PTAR1: variants seen among roughly 807,000 people sequenced by gnomAD.
PTAR1 encodes protein prenyltransferase alpha subunit repeat-containing protein 1.
Under a neutral mutation model 45.5 loss-of-function variants are expected in PTAR1, and 17 were observed. That is an observed-to-expected ratio of 0.37 (90% CI 0.26 to 0.56). PTAR1 has a LOEUF of 0.56. PTAR1 is among the 20% of genes least tolerant of loss of function. The pLI is 0.77. For missense variants in PTAR1, 391 were observed against 476.3 expected (o/e 0.82, Z 1.67); for synonymous variants, 169 against 171.3 (o/e 0.99, Z 0.11).
chr9:69,734,605 C>G (rs1216021099), intron 3 of PTAR1, among the ~76,000 whole-genome samples: 2 of 152,032 alleles, frequency 1.3e-5, no homozygotes, highest in Non-Finnish European at 2.9e-5. Flanking sequence ...GACCTGATAT[C>G]GTACCTATAG....
chr9:69,740,164 C>T (rs9314716), intron 3 of PTAR1, among the ~76,000 whole-genome samples: 21,887 of 152,032 alleles, frequency 0.14, 1,694 homozygotes, highest in East Asian at 0.27. Context: ...ATAGGATATA[C>T]AATGAATAAC....
intron 1 of PTAR1, among the ~76,000 whole-genome samples, chr9:69,753,616 A>G (rs1481898235): frequency 1.3e-5 from 2 of 152,188 alleles, no homozygotes; most frequent in Non-Finnish European, 2.9e-5. Flanking sequence ...CAGTAAGGCA[A>G]ATGGGATAGA....
chr9:69,726,868 C>T (rs1023951895), intron 5 of PTAR1, among the ~76,000 whole-genome samples: 1 of 150,178 alleles, frequency 6.7e-6, no homozygotes, highest in Non-Finnish European at 1.5e-5. Flanking sequence ...CTCTATTTGT[C>T]ATATGTGTTA....
chr9:69,723,493 T>C lies in PTAR1; in HGVS notation c.780A>G (p.Gln260=). ...GGGCTGGCTCACTTCTCAAAGGATT[T>C]TGCTCCATCACAGAACTGTCTATCA... The part of the protein sequence containing the change: ...QTVIDSSVME[Q]NPLRSEPALV... Residue 260 remains glutamine, a synonymous_variant, in exon 6 of 8, where the codon CAA becomes CAG. Transcript: ENST00000340434. 6.2e-7 allele frequency: 1 copy of C among 1,613,898 alleles called. No individual in the cohort carries two copies. Among genetic ancestry groups the C allele is most frequent in the Non-Finnish European group, 8.5e-7 (1 of 1,179,846 alleles).
rs2134056650 is a variant in PTAR1, at chr9:69,711,690, A to T, written c.*6652T>A. ...GCTGCTTATTAAGACATTTAATTAC[A>T]TTTATTAATATGCCTTGCACAAGAA... is the stretch of plus-strand genomic sequence containing the variant. On this transcript the variant is annotated 3_prime_UTR_variant, in exon 8 of 8. Transcript: ENST00000340434. The T allele has an allele frequency of 6.6e-6, 1 of 152,294 alleles. No individual in the cohort carries two copies. The highest frequency in any genetic ancestry group is 1.5e-5 in the Non-Finnish European group (1 of 68,020). 9.4% of individuals were successfully genotyped at this position (152,294 alleles called of 1,614,324 possible). A position where few individuals can be genotyped will look rare whatever the true frequency, so the allele number is the denominator to read the frequency against.
At position 69,717,762 on chromosome 9, in the gene PTAR1, A is replaced by C. The variant is rs1234245740; in HGVS notation, c.*580T>G. The C allele has an allele frequency of 1.3e-5, 2 of 152,244 alleles. No homozygotes were observed. Among genetic ancestry groups the C allele is most frequent in the Non-Finnish European group, 2.9e-5 (2 of 68,068 alleles). The allele number at this position is 152,244 out of a possible 1,614,324, so 9.4% of individuals were successfully genotyped here. On this transcript the variant is annotated 3_prime_UTR_variant, in exon 8 of 8. Transcript: ENST00000340434. ...GGTCTCAACTCTATTGCCCAGGCTG[A>C]GTACAGTGGTGCAATCATGGCTCAC...
intron 1 of PTAR1, among the ~76,000 whole-genome samples, chr9:69,752,196 T>C (rs1258827959): frequency 1.3e-5 from 2 of 152,138 alleles, no homozygotes; most frequent in Non-Finnish European, 2.9e-5. Flanking sequence ...TTATGTATTA[T>C]GTCCCTGGCA....
At chr9:69,757,042 TTC>T (rs2134179924) in intron 1 of PTAR1, 1 of 152,328 alleles carries the variant, frequency 6.6e-6, no homozygotes, top group African/African-American at 2.4e-5. Flanking sequence ...TTACAGAAAT[TTC>T]TGTTAGTGCC....
chr9:69,729,655 C>T (rs1270681428), intron 5 of PTAR1, among the ~76,000 whole-genome samples: 3 of 152,254 alleles, frequency 2.0e-5, no homozygotes, highest in East Asian at 1.9e-4. Flanking sequence ...CCTCCTTTTC[C>T]GGATGAGAAA....
chr9:69,748,140 G>C (rs946253704), intron 2 of PTAR1, among the ~76,000 whole-genome samples: 5 of 152,106 alleles, frequency 3.3e-5, no homozygotes, highest in African/African-American at 1.2e-4. Context: ...TGAAGGCCTG[G>C]TCAGCCAAAG....
intron 5 of PTAR1, among the ~76,000 whole-genome samples, chr9:69,727,935 C>T (rs1029749109): frequency 2.0e-4 from 30 of 152,060 alleles, no homozygotes; most frequent in African/African-American, 7.2e-4. Context: ...TTTTCACCAC[C>T]CCCACAAAAC....
chr9:69,750,752 C>T (rs1826492649), intron 2 of PTAR1, 29 bp downstream of exon 2: 2 of 1,557,740 alleles, frequency 1.3e-6, no homozygotes. Flanking sequence ...TTCTAAAAAC[C>T]AAATGAAGAA....
chr9:69,742,340 T>C (rs763182830), intron 2 of PTAR1, among the ~76,000 whole-genome samples: 5 of 152,142 alleles, frequency 3.3e-5, no homozygotes, highest in Admixed American at 6.5e-5. Context: ...TATTTTTACA[T>C]AGGTATAGCA....
rs60025062 is a variant in PTAR1 at position 69,754,532 on chromosome 9, CTTTTTTTTTT to C, written c.87-3592_87-3583del. ...GCTATTAACATGTTTGGGTATATATCTTTTTTTTTTTTTTTTTTTTTTTCCTGAGACAGGA... is the reference window on the plus strand; with the variant it reads ...GCTATTAACATGTTTGGGTATATATCTTTTTTTTTTTTTCCTGAGACAGGA... On this transcript the variant is annotated intron_variant, in intron 1 of 7. Transcript: ENST00000340434. 7.9e-5 allele frequency among the ~76,000 whole-genome samples: 6 copies of C among 76,260 alleles called. 1 individual carries two copies. Among genetic ancestry groups the C allele is most frequent in the Admixed American group, 1.5e-4 (1 of 6,672 alleles). The allele number at this position is 76,260 out of a possible 152,430, so 50.0% of individuals were successfully genotyped here. A position where few individuals can be genotyped will look rare whatever the true frequency, so the allele number is the denominator to read the frequency against.
In PTAR1 at chr9:69,717,063, T is replaced by C. The variant is rs1824756231; in HGVS notation, c.*1279A>G. 1 of 152,186 alleles carries C rather than the reference T, an allele frequency of 6.6e-6. No individual in the cohort carries two copies. Among genetic ancestry groups the C allele is most frequent in the Admixed American group, 6.6e-5 (1 of 15,262 alleles). The allele number at this position is 152,186 out of a possible 1,614,324, so 9.4% of individuals were successfully genotyped here. On this transcript the variant is annotated 3_prime_UTR_variant, in exon 8 of 8. Transcript: ENST00000340434. ...ACCTGAAAAACTCAGCCCTTGTTAT[T>C]GGAAACATAAGATACGGCTATAATG...
chr9:69,736,293 T>C (rs900117100), intron 3 of PTAR1, among the ~76,000 whole-genome samples: 5 of 152,136 alleles, frequency 3.3e-5, no homozygotes, highest in Non-Finnish European at 7.3e-5. Flanking sequence ...GCACGGTAGC[T>C]CACGCCTGTA....
intron 3 of PTAR1, 92 bp from the exon 4 acceptor site, chr9:69,734,346 G>T: frequency 1.8e-6 from 1 of 558,796 alleles, no homozygotes; most frequent in Non-Finnish European, 2.9e-6. Flanking sequence ...TAATCTCATT[G>T]TGAAGCGAAT....
rs550069370 is a variant in PTAR1, at chr9:69,712,979, T to C, written c.*5363A>G. ...TACTAAAATTTAAGAGCTAATAATATATTTAGCATATTTTTGCCTTTTCTT... is the reference window on the plus strand; with the variant it reads ...TACTAAAATTTAAGAGCTAATAATACATTTAGCATATTTTTGCCTTTTCTT... On this transcript the variant is annotated 3_prime_UTR_variant, in exon 8 of 8. Coordinates refer to ENST00000340434, the MANE Select transcript of PTAR1 (RefSeq NM_001099666.2). The C allele has an allele frequency of 6.6e-6, 1 of 152,110 alleles. No homozygotes were observed. The highest frequency in any genetic ancestry group is 1.5e-5 in the Non-Finnish European group (1 of 67,996). The allele number at this position is 152,110 out of a possible 1,614,324, so 9.4% of individuals were successfully genotyped here.
At chr9:69,727,613 C>T (rs985567480) in intron 5 of PTAR1, among the ~76,000 whole-genome samples, 12 of 151,796 alleles carry the variant, frequency 7.9e-5, no homozygotes, top group African/African-American at 2.9e-4. Context: ...ATGTGAAATG[C>T]CATATTCATC....
Sources: allele counts gnomAD v4.1 joint callset (sites outside exome capture counted in the v4.1 genomes callset), GRCh38; gene constraint gnomAD v4.1.1; transcripts MANE v1.5; gene names NCBI Gene and HGNC (gene_info 2026-07-23, HGNC 2026-07-21).